Variants in UAP1 observed in about 807,000 individuals in gnomAD.
The protein encoded by UAP1 is UDP-N-acetylhexosamine pyrophosphorylase.
In UAP1, 25 loss-of-function variants were observed where a neutral mutation model predicts 58.5. The ratio of observed to expected loss-of-function variants is 0.43; its 90% CI spans 0.31 to 0.60. The LOEUF is 0.60. Among genes scored for constraint, UAP1 ranks in the 20% least tolerant of loss-of-function variants. The pLI, the probability that UAP1 is intolerant of heterozygous loss-of-function variation, is 0.11. For missense variants in UAP1, 575 were observed against 630.0 expected, an observed-to-expected ratio of 0.91 and a Z score of 0.93; for synonymous variants, 208 against 213.0, an observed-to-expected ratio of 0.98 and a Z score of 0.21.
intron 1 of UAP1, among the ~76,000 whole-genome samples, chr1:162,562,006 G>A (rs1653171939): frequency 6.6e-6 from 1 of 152,248 alleles, no homozygotes; most frequent in African/African-American, 2.4e-5. Flanking sequence ...CACCCCGCGA[G>A]AGGGTGTGTG....
rs146235126 is a variant in UAP1 at position 162,590,349 on chromosome 1, G to A, written c.1196G>A (p.Arg399Gln). The change falls in exon 8 of 11, where the codon CGA (arginine) becomes CAA (glutamine). Residue 399 changes from arginine (R) to glutamine (Q), a missense_variant. Arg to Gln is a conservative substitution (Grantham distance 43). Transcript: ENST00000271469. Reference sequence around the variant, plus strand: ...AAGTTTGTGGTATATGAAGTATTGCGAGAAGATGAGTTTTCCCCACTAAAG... The same window carrying A: ...AAGTTTGTGGTATATGAAGTATTGCAAGAAGATGAGTTTTCCCCACTAAAG... The A allele has an allele frequency of 1.2e-5, 19 of 1,612,294 alleles. No homozygotes were observed. The highest frequency in any genetic ancestry group is 1.6e-5 in the Non-Finnish European group (19 of 1,179,418).
intron 2 of UAP1, among the ~76,000 whole-genome samples, chr1:162,574,184 C>T (rs958994070): frequency 1.3e-5 from 2 of 151,358 alleles, no homozygotes; most frequent in Non-Finnish European, 2.9e-5. Context: ...CCTCCGCCTC[C>T]TGGGTTCAAG....
intron 5 of UAP1, among the ~76,000 whole-genome samples, chr1:162,584,266 C>T (rs1654778046): frequency 6.6e-6 from 1 of 152,110 alleles, no homozygotes; most frequent in Non-Finnish European, 1.5e-5. Flanking sequence ...AGTAGTCATT[C>T]AGTGAATGAA....
chr1:162,592,478 A>G (rs551719988), intron 8 of UAP1, among the ~76,000 whole-genome samples: 4 of 152,290 alleles, frequency 2.6e-5, no homozygotes, highest in Admixed American at 6.5e-5. Flanking sequence ...GGTAGCTTTC[A>G]TCTCCCAGTC....
chr1:162,587,870 C>T, intron 6 of UAP1: 1 of 499,974 alleles, frequency 2.0e-6, no homozygotes, highest in Non-Finnish European at 3.4e-6. Flanking sequence ...GGAGCCCATT[C>T]CCCAGCGCAT....
chr1:162,564,926 T>C (rs936541186), intron 1 of UAP1, among the ~76,000 whole-genome samples: 1 of 152,064 alleles, frequency 6.6e-6, no homozygotes, highest in African/African-American at 2.4e-5. Context: ...GAGGCTGGAG[T>C]GACATGATTA....
chr1:162,568,976 A>G (rs764154160), intron 2 of UAP1, among the ~76,000 whole-genome samples: 7 of 152,202 alleles, frequency 4.6e-5, no homozygotes, highest in Non-Finnish European at 8.8e-5. Context: ...GAACTATTAG[A>G]ACCAAGTATA....
intron 5 of UAP1, among the ~76,000 whole-genome samples, chr1:162,586,681 G>C (rs1006246383): frequency 3.3e-5 from 5 of 151,968 alleles, no homozygotes; most frequent in Non-Finnish European, 7.4e-5. Context: ...GATTAGTGTG[G>C]TGGCATACCA....
At chr1:162,571,672 A>G (rs1301250142) in intron 2 of UAP1, among the ~76,000 whole-genome samples, 1 of 152,242 alleles carries the variant, frequency 6.6e-6, no homozygotes, top group Non-Finnish European at 1.5e-5. Context: ...TGCTGCCCAT[A>G]TAAAATTTAT....
chr1:162,587,118 T>C (rs554656445), intron 5 of UAP1, among the ~76,000 whole-genome samples: 23 of 152,200 alleles, frequency 1.5e-4, no homozygotes, highest in African/African-American at 5.3e-4. Flanking sequence ...GTAATTGAGG[T>C]GGTTAAGGAT....
intron 7 of UAP1, 60 bp downstream of exon 7, chr1:162,588,893 C>T (rs767083186): frequency 7.8e-5 from 117 of 1,503,766 alleles, no homozygotes; most frequent in Non-Finnish European, 9.9e-5. Context: ...GCTTTTCACT[C>T]TCTTAGGCAT....
At chr1:162,566,484 G>T in intron 2 of UAP1, 136 bp downstream of exon 2, 1 of 920,254 alleles carries the variant, frequency 1.1e-6, no homozygotes, top group South Asian at 2.0e-5. Context: ...TGACAAAATT[G>T]TCTTTTTATT....
intron 5 of UAP1, among the ~76,000 whole-genome samples, chr1:162,582,223 G>C (rs977908278): frequency 6.6e-5 from 10 of 152,238 alleles, no homozygotes; most frequent in African/African-American, 2.4e-4. Context: ...TAAAAGCCCA[G>C]TCAAAATCTC....
At chr1:162,587,988 T>G (rs1221350074) in intron 6 of UAP1, 1 of 200,198 alleles carries the variant, frequency 5.0e-6, no homozygotes, top group Non-Finnish European at 1.0e-5. Flanking sequence ...ACCACAGCTG[T>G]GAGCTTTTTA....
chr1:162,569,126 G>T (rs1258950055), intron 2 of UAP1, among the ~76,000 whole-genome samples: 1 of 152,186 alleles, frequency 6.6e-6, no homozygotes, highest in Non-Finnish European at 1.5e-5. Context: ...CCGTGTGTCT[G>T]CAAATTCATA....
At chr1:162,589,632 T>G (rs893534260) in intron 7 of UAP1, among the ~76,000 whole-genome samples, 1 of 152,128 alleles carries the variant, frequency 6.6e-6, no homozygotes, top group Non-Finnish European at 1.5e-5. Context: ...GATGTTGAGA[T>G]GCTTGTCTCA....
chr1:162,570,308 G>C lies in UAP1; in HGVS notation c.280+3960G>C, dbSNP rs150762755. Among the ~76,000 whole-genome samples the C allele has an allele frequency of 6.4e-3, 980 of 152,242 alleles. 7 individuals are homozygous for C. Among genetic ancestry groups the C allele is most frequent in the African/African-American group, 0.022 (915 of 41,540 alleles). On this transcript the variant is annotated intron_variant, in intron 2 of 10. Transcript: ENST00000271469. ...ACACACATATGCATATATTGGGATT[G>C]TGTATAGTTTTGTAGCCTGCACAAG...
rs1011465561 is a variant in UAP1, at chr1:162,597,774, AC to A, written c.1410-17del. 9 of 1,610,000 alleles carry A rather than the reference AC, an allele frequency of 5.6e-6. No homozygotes were observed. Among genetic ancestry groups the A allele is most frequent in the Non-Finnish European group, 6.8e-6 (8 of 1,177,752 alleles). On this transcript the variant is annotated splice_polypyrimidine_tract_variant and intron_variant, in intron 9 of 10. Coordinates refer to ENST00000271469, the Ensembl canonical transcript of UAP1. ...ATGGGAAGCAAAGTCTTTAACACAT[AC>A]TTGTTTTTTTTCTTAGCTTGAAGGA...
chr1:162,566,169 A>T (rs192493629), exon 2 of UAP1: 2 of 1,614,118 alleles, frequency 1.2e-6, no homozygotes, highest in Admixed American at 3.3e-5. Flanking sequence ...GTAGAACTTT[A>T]TGCAGAGCTC....
Sources: gnomAD v4.1 joint callset for allele counts (sites outside exome capture counted in the v4.1 genomes callset) on GRCh38, gnomAD v4.1.1 for gene constraint, MANE v1.5 for transcripts, NCBI Gene and HGNC (gene_info 2026-07-23, HGNC 2026-07-21) for gene names.